Variants in ZFHX3 observed in about 807,000 individuals in gnomAD.
The protein encoded by ZFHX3 is zinc finger homeobox protein 3.
A neutral mutation model predicts 279.1 loss-of-function variants in ZFHX3; 42 were observed. The ratio of observed to expected loss-of-function variants is 0.15; its 90% CI spans 0.12 to 0.19. ZFHX3 has a LOEUF of 0.19. Ranked by LOEUF, ZFHX3 falls within the 10% of genes least tolerant of loss-of-function variation. The pLI is 1.00. For synonymous variants in ZFHX3, 2,293 were observed against 1,957.8 expected (o/e 1.17, Z -4.52); for missense variants, 4,981 against 4,754.0 (o/e 1.05, Z -1.40).
At chr16:73,257,043 C>T (rs1567432423) in intron 5 of ZFHX3, 1 of 152,184 alleles carries the variant, frequency 6.6e-6, no homozygotes, top group Non-Finnish European at 1.5e-5. Context: ...GAAACGGCAC[C>T]TACCTTCTCC....
At chr16:73,515,637 A>T (rs1249280828) in intron 2 of ZFHX3, among the ~76,000 whole-genome samples, 1 of 152,094 alleles carries the variant, frequency 6.6e-6, no homozygotes, top group Admixed American at 6.5e-5. Context: ...AAATTCAAGA[A>T]CCTACGGATA....
intron 2 of ZFHX3, among the ~76,000 whole-genome samples, chr16:72,952,861 C>A (rs1412532059): frequency 6.6e-6 from 1 of 152,166 alleles, no homozygotes; most frequent in Non-Finnish European, 1.5e-5. Context: ...AAGCAGAAGG[C>A]TGGGCACTGG....
At chr16:73,349,996 C>T (rs1485476554) in intron 3 of ZFHX3, among the ~76,000 whole-genome samples, 1 of 150,516 alleles carries the variant, frequency 6.6e-6, no homozygotes, top group East Asian at 2.0e-4. Flanking sequence ...TTTGCCTTTC[C>T]AGTTCTTTAT....
At chr16:73,555,051 A>T (rs114565886) in intron 2 of ZFHX3, among the ~76,000 whole-genome samples, 4,584 of 152,188 alleles carry the variant, frequency 0.03, 230 homozygotes, top group Admixed American at 0.13. Context: ...ATTCCCTTTT[A>T]TCTTTAAGAA....
chr16:73,199,824 A>G (rs1450572132), intron 5 of ZFHX3, among the ~76,000 whole-genome samples: 2 of 152,226 alleles, frequency 1.3e-5, no homozygotes, highest in African/African-American at 2.4e-5. Flanking sequence ...ATGTTGTCAC[A>G]TTCTTGTTAT....
At chr16:73,220,758 T>TTG (rs142252855) in intron 5 of ZFHX3, among the ~76,000 whole-genome samples, 7,143 of 150,814 alleles carry the variant, frequency 0.047, 510 homozygotes, top group African/African-American at 0.16. Context: ...GTTGCATTCT[T>TTG]TGTGTGTGTG....
intron 3 of ZFHX3, among the ~76,000 whole-genome samples, chr16:73,388,543 A>T (rs2016946772): frequency 6.6e-6 from 1 of 152,122 alleles, no homozygotes; most frequent in African/African-American, 2.4e-5. Flanking sequence ...ACCACGGGTA[A>T]GTTGCCAGGG....
At chr16:73,152,109 T>C (rs1476374552) in intron 5 of ZFHX3, among the ~76,000 whole-genome samples, 2 of 152,114 alleles carry the variant, frequency 1.3e-5, no homozygotes, top group Non-Finnish European at 2.9e-5. Flanking sequence ...AGGCACCAAA[T>C]AACTGCTCAT....
chr16:73,811,548 G>A (rs755942240), intron 1 of ZFHX3, among the ~76,000 whole-genome samples: 1 of 149,916 alleles, frequency 6.7e-6, no homozygotes, highest in Non-Finnish European at 1.5e-5. Flanking sequence ...AGGTTCAAGC[G>A]ATTCTCCTGC....
intron 3 of ZFHX3, among the ~76,000 whole-genome samples, chr16:73,363,793 C>A (rs1044808513): frequency 6.6e-6 from 1 of 152,096 alleles, no homozygotes. Context: ...ATAAGGAAGA[C>A]GGATAGCATC....
intron 1 of ZFHX3, among the ~76,000 whole-genome samples, chr16:73,030,869 C>T (rs977647121): frequency 1.1e-4 from 16 of 152,194 alleles, no homozygotes; most frequent in African/African-American, 3.9e-4. Flanking sequence ...GTGAATCCTA[C>T]TGAAGCTGGT....
At chr16:72,846,167 G>A (rs1245441301) in intron 4 of ZFHX3, among the ~76,000 whole-genome samples, 1 of 152,236 alleles carries the variant, frequency 6.6e-6, no homozygotes, top group Non-Finnish European at 1.5e-5. Flanking sequence ...CAGTAAGTGA[G>A]CATATTCTAA....
intron 5 of ZFHX3, among the ~76,000 whole-genome samples, chr16:73,228,122 G>A (rs1002720704): frequency 6.6e-6 from 1 of 152,112 alleles, no homozygotes; most frequent in South Asian, 2.1e-4. Flanking sequence ...TCCTATACAA[G>A]TACTTAGCCA....
At chr16:72,923,740 G>A (rs1306383936) in intron 3 of ZFHX3, among the ~76,000 whole-genome samples, 2 of 74,728 alleles carry the variant, frequency 2.7e-5, no homozygotes, top group African/African-American at 1.2e-4. Flanking sequence ...GGTAGTAGAT[G>A]AAGTAGATGA....
At chr16:73,105,478 G>A (rs1464711264) in intron 7 of ZFHX3, among the ~76,000 whole-genome samples, 3 of 131,006 alleles carry the variant, frequency 2.3e-5, no homozygotes, top group African/African-American at 5.5e-5. Context: ...CAGGCCAGGC[G>A]TGCTGGCTCA....
At chr16:73,862,236 C>G (rs1961900026) in intron 1 of ZFHX3, among the ~76,000 whole-genome samples, 1 of 152,194 alleles carries the variant, frequency 6.6e-6, no homozygotes, top group African/African-American at 2.4e-5. Context: ...AGGTTCCGTC[C>G]TGGAAGCCCA....
chr16:73,660,490 C>T (rs1335050252), intron 2 of ZFHX3, among the ~76,000 whole-genome samples: 1 of 152,182 alleles, frequency 6.6e-6, no homozygotes, highest in African/African-American at 2.4e-5. Context: ...CCTGCTCCTT[C>T]TCTGCCACAA....
intron 3 of ZFHX3, among the ~76,000 whole-genome samples, chr16:72,914,140 T>C (rs1009437824): frequency 3.3e-5 from 5 of 152,220 alleles, no homozygotes; most frequent in African/African-American, 9.6e-5. Flanking sequence ...CTTCTTGATA[T>C]ACAACTCTGA....
intron 3 of ZFHX3, among the ~76,000 whole-genome samples, chr16:73,348,349 G>C (rs2016159195): frequency 6.6e-6 from 1 of 152,202 alleles, no homozygotes; most frequent in African/African-American, 2.4e-5. Context: ...GCGATGGGTT[G>C]TTAATCACCT....
Sources: allele counts gnomAD v4.1 joint callset (sites outside exome capture counted in the v4.1 genomes callset), GRCh38; gene constraint gnomAD v4.1.1; transcripts MANE v1.5; gene names NCBI Gene and HGNC (gene_info 2026-07-23, HGNC 2026-07-21).